Variants in SLCO2A1 observed in about 807,000 individuals in gnomAD.
The protein encoded by SLCO2A1 is solute carrier organic anion transporter family member 2A1.
SLCO2A1 carries 60 observed loss-of-function variants against 71.7 expected under a neutral mutation model. That is an observed-to-expected ratio of 0.84 (90% CI 0.68 to 1.04). The LOEUF is 1.04. SLCO2A1 is among the 50% of genes least tolerant of loss of function. SLCO2A1 has a pLI of 0.00. For synonymous variants in SLCO2A1, 308 were observed against 326.7 expected, an observed-to-expected ratio of 0.94 and a Z score of 0.62; for missense variants, 745 against 813.4, an observed-to-expected ratio of 0.92 and a Z score of 1.02.
intron 1 of SLCO2A1, among the ~76,000 whole-genome samples, chr3:134,021,001 T>G (rs1424554733): frequency 6.6e-6 from 1 of 152,182 alleles, no homozygotes; most frequent in African/African-American, 2.4e-5. Flanking sequence ...AAGCGTGGCC[T>G]CATCACCCAC....
chr3:133,993,646 AT>A (rs570105709), intron 1 of SLCO2A1, among the ~76,000 whole-genome samples: 16 of 150,496 alleles, frequency 1.1e-4, no homozygotes, highest in Middle Eastern at 3.2e-3. Flanking sequence ...TCTCCAATTA[AT>A]TTTTTTTTTA....
intron 6 of SLCO2A1, 58 bp downstream of exon 6, chr3:133,951,149 AC>A (rs1559932759): frequency 1.9e-6 from 3 of 1,605,852 alleles, no homozygotes; most frequent in East Asian, 4.5e-5. Context: ...TTTATTTTCT[AC>A]CCCCACATCC....
chr3:133,956,592 A>C (rs1330137321), intron 3 of SLCO2A1, among the ~76,000 whole-genome samples: 1 of 152,244 alleles, frequency 6.6e-6, no homozygotes, highest in Non-Finnish European at 1.5e-5. Flanking sequence ...CAGGGACTGT[A>C]GTCAGGGTCC....
chr3:133,987,672 C>T (rs1433724659), intron 1 of SLCO2A1, among the ~76,000 whole-genome samples: 2 of 152,206 alleles, frequency 1.3e-5, no homozygotes, highest in East Asian at 3.8e-4. Flanking sequence ...CATGGTCACT[C>T]ATATTTGGCT....
intron 1 of SLCO2A1, among the ~76,000 whole-genome samples, chr3:133,983,248 G>A (rs993725169): frequency 6.6e-6 from 1 of 152,150 alleles, no homozygotes; most frequent in Non-Finnish European, 1.5e-5. Context: ...AGGAAGCCCA[G>A]TCTTCCTTAC....
At chr3:133,954,716 A>G (rs913399549) in intron 4 of SLCO2A1, among the ~76,000 whole-genome samples, 11 of 152,168 alleles carry the variant, frequency 7.2e-5, no homozygotes, top group Admixed American at 3.9e-4. Context: ...CAGCGCACAG[A>G]TAATATCAGC....
intron 3 of SLCO2A1, among the ~76,000 whole-genome samples, chr3:133,968,864 A>G (rs983706729): frequency 6.6e-6 from 1 of 152,324 alleles, no homozygotes; most frequent in Admixed American, 6.5e-5. Context: ...GCCAGGGTAC[A>G]TTTCCGGACC....
chr3:133,967,397 C>A (rs546827766), intron 3 of SLCO2A1, among the ~76,000 whole-genome samples: 1 of 152,340 alleles, frequency 6.6e-6, no homozygotes, highest in African/African-American at 2.4e-5. Context: ...ACACCATCAC[C>A]ATGGAGCGCA....
intron 1 of SLCO2A1, among the ~76,000 whole-genome samples, chr3:133,984,880 C>T (rs1403396248): frequency 1.3e-5 from 2 of 152,204 alleles, no homozygotes; most frequent in Non-Finnish European, 2.9e-5. Flanking sequence ...TGGCTACCAA[C>T]TGGGTCTCCT....
chr3:133,938,455 AC>A lies in SLCO2A1; in HGVS notation c.1663del (p.Val555CysfsTer5). The part of the protein sequence containing the change: ...NQEEKSFAIG[V>X]QFLLMRLLAW... ...CAGCAAGCGCATCAACAAGAACTGCACCCCGATGGCAAATGACTTTTCCTCC... is the reference window on the plus strand; with the variant it reads ...CAGCAAGCGCATCAACAAGAACTGCACCCGATGGCAAATGACTTTTCCTCC... On this transcript the variant is annotated frameshift_variant, in exon 12 of 14. Transcript: ENST00000310926. LOFTEE classifies it high-confidence loss of function. The A allele has an allele frequency of 2.5e-6, 4 of 1,614,130 alleles. No homozygotes were observed. The highest frequency in any genetic ancestry group is 3.4e-6 in the Non-Finnish European group (4 of 1,180,006).
chr3:133,970,321 G>A (rs184605003), intron 3 of SLCO2A1, among the ~76,000 whole-genome samples: 2 of 152,164 alleles, frequency 1.3e-5, no homozygotes, highest in Admixed American at 6.5e-5. Flanking sequence ...GAGGTGGCTC[G>A]AGCCCACTTG....
intron 1 of SLCO2A1, among the ~76,000 whole-genome samples, chr3:133,997,977 C>A (rs1394941305): frequency 6.6e-6 from 1 of 152,210 alleles, no homozygotes; most frequent in Non-Finnish European, 1.5e-5. Flanking sequence ...TAGCTCACAG[C>A]CTTGCTCACG....
chr3:133,963,606 G>A (rs968115693), intron 3 of SLCO2A1, among the ~76,000 whole-genome samples: 3 of 152,228 alleles, frequency 2.0e-5, no homozygotes, highest in East Asian at 1.9e-4. Context: ...TGCTCAGAAG[G>A]AGACATGGCT....
intron 2 of SLCO2A1, among the ~76,000 whole-genome samples, chr3:133,978,661 G>A (rs114890721): frequency 0.044 from 6,719 of 152,128 alleles, 465 homozygotes; most frequent in African/African-American, 0.15. Flanking sequence ...GGAGCAACCC[G>A]GCTCTGGGGA....
At chr3:133,968,531 G>A (rs1428959620) in intron 3 of SLCO2A1, among the ~76,000 whole-genome samples, 1 of 152,206 alleles carries the variant, frequency 6.6e-6, no homozygotes, top group African/African-American at 2.4e-5. Context: ...CATGAATAAA[G>A]GACTGGAAAG....
intron 1 of SLCO2A1, among the ~76,000 whole-genome samples, chr3:134,014,436 T>G (rs1026022276): frequency 1.3e-5 from 2 of 152,150 alleles, no homozygotes; most frequent in African/African-American, 4.8e-5. Flanking sequence ...ACTTCCTGCC[T>G]GGGTTTCATC....
chr3:133,945,644 C>T (rs562645432), intron 9 of SLCO2A1, among the ~76,000 whole-genome samples: 23 of 152,226 alleles, frequency 1.5e-4, no homozygotes, highest in Middle Eastern at 3.4e-3. Context: ...TGGCTGGGAC[C>T]GCTGAGGCAA....
chr3:133,934,961 G>T, intron 13 of SLCO2A1, 131 bp from the exon 14 acceptor site: 1 of 671,500 alleles, frequency 1.5e-6, no homozygotes, highest in Non-Finnish European at 2.6e-6. Context: ...ATCCAGGTGA[G>T]GATCACTTTC....
intron 3 of SLCO2A1, among the ~76,000 whole-genome samples, chr3:133,966,806 G>A (rs1020264722): frequency 6.6e-6 from 1 of 152,246 alleles, no homozygotes; most frequent in African/African-American, 2.4e-5. Context: ...CACACAGTCA[G>A]TGTCCCAGCT....
Sources: allele counts gnomAD v4.1 joint callset (sites outside exome capture counted in the v4.1 genomes callset), GRCh38; gene constraint gnomAD v4.1.1; transcripts MANE v1.5; gene names NCBI Gene and HGNC (gene_info 2026-07-23, HGNC 2026-07-21).